DNAAF4: variants seen among roughly 807,000 people sequenced by gnomAD.
DNAAF4 encodes the protein dynein assembly factor 4, axonemal.
A neutral mutation model predicts 51.8 loss-of-function variants in DNAAF4; 43 were observed. The ratio of observed to expected loss-of-function variants is 0.83; its 90% CI spans 0.65 to 1.07. DNAAF4 has a LOEUF of 1.07. Ranked by LOEUF, DNAAF4 falls within the 50% of genes least tolerant of loss-of-function variation. DNAAF4 has a pLI of 0.00. For missense variants in DNAAF4, 581 were observed against 493.0 expected, an observed-to-expected ratio of 1.18 and a Z score of -1.69; for synonymous variants, 194 against 165.6, an observed-to-expected ratio of 1.17 and a Z score of -1.32.
At position 55,455,119 on chromosome 15, in the gene DNAAF4, CT is replaced by C. The variant is rs199815090; in HGVS notation, c.638-4753del. Among the ~76,000 whole-genome samples the C allele has an allele frequency of 2.5e-3, 350 of 141,330 alleles. 1 individual carries two copies. The highest frequency in any genetic ancestry group is 3.7e-3 in the Middle Eastern group (1 of 272). 92.7% of individuals were successfully genotyped at this position (141,330 alleles called of 152,430 possible). On this transcript the variant is annotated intron_variant, in intron 5 of 9. Transcript: ENST00000321149. Reference sequence around the variant, plus strand: ...TCAATAACTATTATAGAAACTGAATCTTTTTTTTTTTTTAAAAAAACCTCCA... The same window carrying C: ...TCAATAACTATTATAGAAACTGAATCTTTTTTTTTTTTAAAAAAACCTCCA...
rs1396479066 is a variant in DNAAF4 at position 55,435,066 on chromosome 15, G to A, written c.894-8C>T. The A allele has an allele frequency of 6.4e-7, 1 of 1,569,646 alleles. No individual in the cohort carries two copies. Among genetic ancestry groups the A allele is most frequent in the Non-Finnish European group, 8.6e-7 (1 of 1,163,920 alleles). On this transcript the variant is annotated splice_polypyrimidine_tract_variant and splice_region_variant and intron_variant, in intron 7 of 9. Transcript: ENST00000321149. ...TCCGTTGCAAACAATTTGCTAATGA[G>A]ACAAAAACAGAGAAGAAAAACAATT...
chr15:55,450,601 C>G (rs1170703207), intron 5 of DNAAF4, among the ~76,000 whole-genome samples: 1 of 152,168 alleles, frequency 6.6e-6, no homozygotes, highest in Non-Finnish European at 1.5e-5. Context: ...TGTAAAACCA[C>G]AGTGTTTAAT....
intron 6 of DNAAF4, among the ~76,000 whole-genome samples, chr15:55,445,901 G>C (rs2057795413): frequency 7.1e-6 from 1 of 140,102 alleles, no homozygotes; most frequent in East Asian, 2.2e-4. Context: ...CCAGGCAGAG[G>C]TGCTCCTCAC....
intron 7 of DNAAF4, among the ~76,000 whole-genome samples, chr15:55,435,364 G>A (rs1478518249): frequency 6.6e-6 from 1 of 152,164 alleles, no homozygotes; most frequent in African/African-American, 2.4e-5. Flanking sequence ...TTCTACTTAG[G>A]ATGAAGCCTG....
chr15:55,462,910 CCTGTAATCCCAG>C (rs1158901150), intron 5 of DNAAF4, among the ~76,000 whole-genome samples: 5 of 152,164 alleles, frequency 3.3e-5, no homozygotes, highest in Non-Finnish European at 2.9e-5. Context: ...GTGGCTCATG[CCTGTAATCCCAG>C]CACTTCGGGA....
chr15:55,435,533 G>A (rs1333763931), intron 7 of DNAAF4, among the ~76,000 whole-genome samples: 1 of 152,068 alleles, frequency 6.6e-6, no homozygotes, highest in African/African-American at 2.4e-5. Flanking sequence ...AAATATGAAA[G>A]GAATAAAAAG....
intron 5 of DNAAF4, among the ~76,000 whole-genome samples, chr15:55,455,022 A>G (rs968899513): frequency 1.3e-5 from 2 of 151,462 alleles, no homozygotes; most frequent in Non-Finnish European, 2.9e-5. Context: ...CTTTATGAAA[A>G]TGAATTTGAA....
intron 8 of DNAAF4, among the ~76,000 whole-genome samples, chr15:55,433,990 T>C (rs1186740225): frequency 5.6e-5 from 2 of 35,670 alleles, no homozygotes; most frequent in African/African-American, 8.4e-5. Flanking sequence ...ATATATAATA[T>C]ATATAATATT....
At chr15:55,458,030 C>G (rs2141480624) in intron 5 of DNAAF4, among the ~76,000 whole-genome samples, 1 of 152,314 alleles carries the variant, frequency 6.6e-6, no homozygotes, top group Admixed American at 6.5e-5. Context: ...ACAGAAGAAT[C>G]TGAACAGTAG....
chr15:55,471,015 G>A (rs903983585), intron 4 of DNAAF4, among the ~76,000 whole-genome samples: 6 of 149,944 alleles, frequency 4.0e-5, no homozygotes, highest in African/African-American at 1.5e-4. Flanking sequence ...CACCACGAAT[G>A]GCTAATTTTG....
At chr15:55,471,783 G>T (rs1009014607) in intron 4 of DNAAF4, among the ~76,000 whole-genome samples, 29 of 152,246 alleles carry the variant, frequency 1.9e-4, no homozygotes, top group Non-Finnish European at 3.7e-4. Flanking sequence ...AAAGTGCTGG[G>T]ATTACAGGCG....
chr15:55,490,607 C>T (rs1291851794), intron 4 of DNAAF4, among the ~76,000 whole-genome samples: 2 of 152,164 alleles, frequency 1.3e-5, no homozygotes, highest in African/African-American at 2.4e-5. Flanking sequence ...ATAGAACCCT[C>T]TCCCTGAAAC....
At chr15:55,447,871 G>GAGGGGGC (rs2057862772) in intron 6 of DNAAF4, among the ~76,000 whole-genome samples, 1 of 113,056 alleles carries the variant, frequency 8.8e-6, no homozygotes, top group Non-Finnish European at 1.9e-5. Context: ...GGGGAGAGGG[G>GAGGGGGC]AGAGGGGAGA....
At position 55,467,152 on chromosome 15, in the gene DNAAF4, C is replaced by A. The variant is rs2058182182; in HGVS notation, c.415G>T (p.Glu139Ter). The change falls in exon 5 of 10, where the codon GAA becomes TAA. Residue 139 changes from glutamate to a stop codon, truncating the protein, a stop_gained. Coordinates refer to ENST00000321149, the MANE Select transcript of DNAAF4 (RefSeq NM_130810.4). LOFTEE classifies it high-confidence loss of function. Reference protein sequence around the residue: ...ALSVMMKIEEEERKKIEDMKE... With the variant: ...ALSVMMKIEE The stretch of plus-strand genomic sequence containing the variant: ...ATATCTTCTATTTTTTTCCTCTCTT[C>A]TTCTTCAATCTATAACAATTGCAAT... 13 of 1,534,730 alleles carry A rather than the reference C, an allele frequency of 8.5e-6. No homozygotes were observed. Among genetic ancestry groups the A allele is most frequent in the Non-Finnish European group, 1.1e-5 (13 of 1,141,692 alleles).
At chr15:55,471,088 T>C (rs1318666914) in intron 4 of DNAAF4, among the ~76,000 whole-genome samples, 1 of 151,872 alleles carries the variant, frequency 6.6e-6, no homozygotes, top group African/African-American at 2.4e-5. Flanking sequence ...CTTGAGCTCC[T>C]GGGCTCAAGC....
At position 55,498,594 on chromosome 15, in the gene DNAAF4, A is replaced by G. The variant is rs1360439362; in HGVS notation, c.-255-10T>C. 3.1e-4 allele frequency: 23 copies of G among 74,444 alleles called. 1 individual carries two copies. Among genetic ancestry groups the G allele is most frequent in the South Asian group, 1.1e-3 (3 of 2,674 alleles). The allele number at this position is 74,444 out of a possible 1,614,324, so 4.6% of individuals were successfully genotyped here. A position where few individuals can be genotyped will look rare whatever the true frequency, so the allele number is the denominator to read the frequency against. ...AGTAGACCCATACCCTCTGCTTGAG[A>G]AAAAAAAAAAAAAAAAAAAGCACTC... On this transcript the variant is annotated splice_polypyrimidine_tract_variant and intron_variant, in intron 1 of 9. Transcript: ENST00000321149.
Position 55,496,476 on chromosome 15 carries a change from A to G in DNAAF4, c.271+1236T>C, listed in dbSNP as rs186864468. Among the ~76,000 whole-genome samples the G allele has an allele frequency of 3.5e-3, 538 of 152,294 alleles. 5 individuals carry two copies. Among genetic ancestry groups the G allele is most frequent in the Non-Finnish European group, 3.9e-3 (268 of 68,018 alleles). On this transcript the variant is annotated intron_variant, in intron 3 of 9. Transcript: ENST00000321149. ...AGTCACTAGCTGTGTGATTTTGCCA[A>G]TTACTCAAACTTTCCATATGTCAGT... is the stretch of plus-strand genomic sequence containing the variant.
downstream of DNAAF4, among the ~76,000 whole-genome samples, chr15:55,427,887 G>T (rs548190515): frequency 1.3e-5 from 2 of 149,720 alleles, no homozygotes; most frequent in African/African-American, 2.5e-5. Context: ...CACCCGCCTC[G>T]GCCTCCCAAA....
chr15:55,507,615 C>T (rs1462986004), intron 1 of DNAAF4, among the ~76,000 whole-genome samples: 1 of 152,116 alleles, frequency 6.6e-6, no homozygotes, highest in Non-Finnish European at 1.5e-5. Context: ...GAGTGGTTAA[C>T]TCTTATGTGA....
Sources: allele counts gnomAD v4.1 joint callset (sites outside exome capture counted in the v4.1 genomes callset), GRCh38; gene constraint gnomAD v4.1.1; transcripts MANE v1.5; gene names NCBI Gene and HGNC (gene_info 2026-07-23, HGNC 2026-07-21).